Variants in TEX2 observed in about 807,000 individuals in gnomAD.
TEX2 encodes testis-expressed protein 2.
Under a neutral mutation model 106.9 loss-of-function variants are expected in TEX2, and 53 were observed. The observed-to-expected ratio is 0.50, with a 90% confidence interval of 0.40 to 0.62. The LOEUF (loss-of-function observed/expected upper bound fraction) is 0.62, where lower values mean the gene tolerates loss of function less well. Among genes scored for constraint, TEX2 ranks in the 20% least tolerant of loss-of-function variants. The pLI is 0.00. For synonymous variants in TEX2, 523 were observed against 534.8 expected, an observed-to-expected ratio of 0.98 and a Z score of 0.30; for missense variants, 1,207 against 1,379.0, an observed-to-expected ratio of 0.88 and a Z score of 1.98.
intron 7 of TEX2, among the ~76,000 whole-genome samples, chr17:64,162,062 C>T (rs1282593566): frequency 2.0e-5 from 3 of 152,086 alleles, no homozygotes; most frequent in Non-Finnish European, 4.4e-5. Flanking sequence ...ATTTTGTTTT[C>T]AACAAATTCT....
chr17:64,179,433 C>T (rs1267929856), intron 5 of TEX2, among the ~76,000 whole-genome samples: 1 of 152,196 alleles, frequency 6.6e-6, no homozygotes, highest in Non-Finnish European at 1.5e-5. Flanking sequence ...GCAGCGGCAA[C>T]CTGCTTGGGT....
At chr17:64,228,590 G>A (rs2033573736) in intron 1 of TEX2, among the ~76,000 whole-genome samples, 1 of 152,142 alleles carries the variant, frequency 6.6e-6, no homozygotes, top group African/African-American at 2.4e-5. Flanking sequence ...ACAGGAGGTG[G>A]AGCTCAGGCA....
Position 64,152,961 on chromosome 17 carries a change from G to C in TEX2, c.3124C>G (p.Pro1042Ala). The change falls in exon 10 of 12, where the codon CCG becomes GCG. Residue 1042 changes from proline (P) to alanine (A), a missense_variant. Coordinates refer to ENST00000584379, the MANE Select transcript of TEX2 (RefSeq NM_001288732.2). ...GTLAVNIPPPPTDRVWYGFRK... is the reference protein window; with the variant it reads ...GTLAVNIPPPATDRVWYGFRK... ...TCTACGCACCATACTCGGTCAGTCG[G>C]GGGTGGTGGAATGTTGACCGCCAAG... 6.2e-7 allele frequency: 1 copy of C among 1,614,144 alleles called. No individual in the cohort carries two copies. The highest frequency in any genetic ancestry group is 1.3e-5 in the African/African-American group (1 of 75,034).
intron 1 of TEX2, among the ~76,000 whole-genome samples, chr17:64,221,371 T>A (rs1555633280): frequency 3.9e-5 from 6 of 152,082 alleles, no homozygotes. Context: ...ATTACATTTT[T>A]AAAAAAATGG....
chr17:64,239,916 A>G (rs2143393721), intron 1 of TEX2, among the ~76,000 whole-genome samples: 1 of 150,224 alleles, frequency 6.7e-6, no homozygotes. Context: ...CAGAGAAGAT[A>G]AGAGAAGAGA....
In TEX2 at chr17:64,148,783, C is replaced by G; in HGVS notation, c.*186G>C. The G allele has an allele frequency of 3.1e-6, 2 of 653,924 alleles. No individual in the cohort carries two copies. Among genetic ancestry groups the G allele is most frequent in the Non-Finnish European group, 2.5e-6 (1 of 401,522 alleles). 40.5% of individuals were successfully genotyped at this position (653,924 alleles called of 1,614,324 possible). ...AAAGCTTTGCAGCAGGCAATCCAGA[C>G]AGTTGTCACTAGATGCAGGGAATGA... On this transcript the variant is annotated 3_prime_UTR_variant, in exon 12 of 12. Coordinates refer to ENST00000584379, the MANE Select transcript of TEX2 (RefSeq NM_001288732.2).
intron 1 of TEX2, among the ~76,000 whole-genome samples, chr17:64,233,835 C>G (rs1028075590): frequency 2.6e-5 from 4 of 152,214 alleles, no homozygotes; most frequent in African/African-American, 9.6e-5. Flanking sequence ...AAATGGGCAG[C>G]TGCTTCCATA....
At chr17:64,160,674 A>G in intron 8 of TEX2, 127 bp downstream of exon 8, 2 of 1,205,604 alleles carry the variant, frequency 1.7e-6, no homozygotes, top group Non-Finnish European at 2.3e-6. Flanking sequence ...GCTCTGGTCC[A>G]GGAGCACTTA....
At position 64,212,640 on chromosome 17, in the gene TEX2, C is replaced by T. The variant is rs1284415741; in HGVS notation, c.1578G>A (p.Lys526=). The change falls in exon 2 of 12, where the codon AAG becomes AAA. Residue 526 remains lysine (K), a synonymous_variant. Transcript: ENST00000584379. ...FTPPSAHKYH[K]LHKNLRHWNT... ...TCCAGTGTCGCAGATTTTTGTGTAA[C>T]TTGTGATATTTATGAGCACTTGGTG... 3 of 1,614,000 alleles carry T rather than the reference C, an allele frequency of 1.9e-6. No individual in the cohort carries two copies. In the African/African-American group the frequency reaches 4.0e-5, roughly 22 times the overall value.
At position 64,211,704 on chromosome 17, in the gene TEX2, T is replaced by TGG. The variant is rs111245317; in HGVS notation, c.1644+868_1644+869dup. On this transcript the variant is annotated intron_variant, in intron 2 of 11. Transcript: ENST00000584379. ...AAACATTCATCGATTTTGGTATCCT[T>TGG]GGGGGGGGTCCTGAAACCAATGCCC... Among the ~76,000 whole-genome samples the TGG allele has an allele frequency of 4.5e-3, 677 of 151,836 alleles. 5 individuals are homozygous for TGG. The highest frequency in any genetic ancestry group is 0.015 in the African/African-American group (635 of 41,392).
At chr17:64,192,223 C>G (rs1172950223) in intron 4 of TEX2, among the ~76,000 whole-genome samples, 2 of 152,160 alleles carry the variant, frequency 1.3e-5, no homozygotes, top group Non-Finnish European at 2.9e-5. Context: ...AAGTCCTAAC[C>G]CCAGTATCTC....
chr17:64,203,422 A>G (rs1311128518), intron 2 of TEX2, among the ~76,000 whole-genome samples: 5 of 152,226 alleles, frequency 3.3e-5, no homozygotes, highest in African/African-American at 1.2e-4. Context: ...TGAAGCACAT[A>G]AAAAGGTAAT....
intron 1 of TEX2, among the ~76,000 whole-genome samples, chr17:64,250,486 A>C (rs1555636816): frequency 6.6e-6 from 1 of 152,142 alleles, no homozygotes; most frequent in African/African-American, 2.4e-5. Flanking sequence ...CTGCTCTCAG[A>C]TGTAAAATTA....
intron 2 of TEX2, among the ~76,000 whole-genome samples, chr17:64,201,993 C>T (rs868914330): frequency 1.3e-5 from 2 of 152,090 alleles, no homozygotes; most frequent in South Asian, 2.1e-4. Context: ...CTGTGTGAGA[C>T]GAACAAGCAA....
intron 8 of TEX2, among the ~76,000 whole-genome samples, chr17:64,159,238 G>A (rs990725976): frequency 1.3e-5 from 2 of 152,182 alleles, no homozygotes; most frequent in African/African-American, 4.8e-5. Flanking sequence ...CCCACATGGT[G>A]CTGTTTCTAG....
At chr17:64,173,243 A>G (rs542322458) in intron 6 of TEX2, among the ~76,000 whole-genome samples, 28 of 152,278 alleles carry the variant, frequency 1.8e-4, no homozygotes, top group African/African-American at 6.7e-4. Context: ...TTTATAATAT[A>G]CTTTTAAATC....
intron 1 of TEX2, chr17:64,239,285 T>A (rs2033834254): frequency 6.6e-6 from 1 of 152,232 alleles, no homozygotes; most frequent in Admixed American, 6.5e-5. Flanking sequence ...GCAGTTATGT[T>A]CTTAGTCTTG....
chr17:64,263,211 G>T lies in TEX2; in HGVS notation c.-69C>A, dbSNP rs1460206402. The T allele has an allele frequency of 6.6e-6, 1 of 151,338 alleles. No individual in the cohort carries two copies. The highest frequency in any genetic ancestry group is 2.0e-4 in the South Asian group (1 of 4,930). The allele number at this position is 151,338 out of a possible 1,614,324, so 9.4% of individuals were successfully genotyped here. On this transcript the variant is annotated 5_prime_UTR_variant, in exon 1 of 12. Transcript: ENST00000584379. Reference sequence around the variant, plus strand: ...CTCATTGTACTATGCCGGCGCCCGTGCTCCCGGCCGCGCGACTCCGGCTTC... The same window carrying T: ...CTCATTGTACTATGCCGGCGCCCGTTCTCCCGGCCGCGCGACTCCGGCTTC...
chr17:64,195,353 TC>T lies in TEX2; in HGVS notation c.1645-259del, dbSNP rs1326886508. On this transcript the variant is annotated intron_variant, in intron 2 of 11. Coordinates refer to ENST00000584379, the MANE Select transcript of TEX2 (RefSeq NM_001288732.2). The surrounding 1 kb of genome is among the most constrained non-coding windows in gnomAD (Gnocchi z 4.1). The stretch of plus-strand genomic sequence containing the variant: ...TCATTATCCTAAATAAAAGGTTCTT[TC>T]TTTTTTTAAAGCTTATAAGCACATC... Among the ~76,000 whole-genome samples, 1 of 152,200 alleles carries T rather than the reference TC, an allele frequency of 6.6e-6. No homozygotes were observed. Among genetic ancestry groups the T allele is most frequent in the Non-Finnish European group, 1.5e-5 (1 of 68,036 alleles).
Sources: allele counts gnomAD v4.1 joint callset (sites outside exome capture counted in the v4.1 genomes callset), GRCh38; gene constraint gnomAD v4.1.1; non-coding constraint Gnocchi (gnomAD v3.1); transcripts MANE v1.5; gene names NCBI Gene and HGNC (gene_info 2026-07-23, HGNC 2026-07-21).